Variants in ASAP1 observed in about 807,000 individuals in gnomAD.
The protein encoded by ASAP1 is ArfGAP with SH3 domain, ankyrin repeat and PH domain 1.
ASAP1 carries 43 observed loss-of-function variants against 145.2 expected under a neutral mutation model. The observed-to-expected ratio is 0.30, with a 90% CI of 0.23 to 0.38. ASAP1 has a LOEUF of 0.38. Ranked by LOEUF, ASAP1 falls within the 10% of genes least tolerant of loss-of-function variation. The probability of loss-of-function intolerance (pLI) is 1.00; values close to 1 mark genes in which losing one functional copy is unlikely to be tolerated. For synonymous variants in ASAP1, 546 were observed against 515.5 expected (o/e 1.06, Z -0.80); for missense variants, 1,018 against 1,355.3 (o/e 0.75, Z 3.91).
rs1343238108 is a variant in ASAP1, at chr8:130,317,540, AG to A, written c.186+40476del. 3.3e-5 allele frequency among the ~76,000 whole-genome samples: 5 copies of A among 152,344 alleles called. No individual in the cohort carries two copies. In the East Asian group the frequency reaches 9.6e-4, roughly 29 times the overall value. ...GAATCAGAATGAGCCCACGTCCTCCAGGAAGGTTTTTTATAGCCTCCTCTCC... is the reference window on the plus strand; with the variant it reads ...GAATCAGAATGAGCCCACGTCCTCCAGAAGGTTTTTTATAGCCTCCTCTCC... On this transcript the variant is annotated intron_variant, in intron 3 of 29. Transcript: ENST00000518721.
At chr8:130,242,282 AAC>A (rs1373505203) in intron 3 of ASAP1, among the ~76,000 whole-genome samples, 2,757 of 142,058 alleles carry the variant, frequency 0.019, 42 homozygotes, top group African/African-American at 0.029. Flanking sequence ...AAAAAAAAAA[AAC>A]AACTTTTTTT....
intron 1 of ASAP1, among the ~76,000 whole-genome samples, chr8:130,429,804 G>T (rs1157582492): frequency 6.6e-6 from 1 of 152,162 alleles, no homozygotes; most frequent in Non-Finnish European, 1.5e-5. Flanking sequence ...GATTCTTTGG[G>T]AAAAATGAGT....
At position 130,188,127 on chromosome 8, in the gene ASAP1, G is replaced by A. The variant is rs1042261059; in HGVS notation, c.462C>T (p.Asp154=). The A allele has an allele frequency of 1.2e-6, 2 of 1,613,242 alleles. No homozygotes were observed. The highest frequency in any genetic ancestry group is 1.7e-5 in the Admixed American group (1 of 59,988). Residue 154 remains aspartate (D), a synonymous_variant, in exon 6 of 30, where the codon GAC becomes GAT. Transcript: ENST00000518721. Reference sequence around the variant, plus strand: ...CACTTACTCCTTTGACTCCCTTTAGGTCTCCTTTTAACAAAGAATCCAAGG... The same window carrying A: ...CACTTACTCCTTTGACTCCCTTTAGATCTCCTTTTAACAAAGAATCCAAGG... ...IFTLDSLLKG[D]LKGVKGDLKK... is the part of the protein sequence containing the mutation.
chr8:130,345,480 A>G (rs1825653059), intron 3 of ASAP1, among the ~76,000 whole-genome samples: 1 of 152,208 alleles, frequency 6.6e-6, no homozygotes, highest in Non-Finnish European at 1.5e-5. Flanking sequence ...TGTTTCCACC[A>G]AGAAAGTAAA....
chr8:130,345,757 A>C (rs894074969), intron 3 of ASAP1, among the ~76,000 whole-genome samples: 2 of 152,200 alleles, frequency 1.3e-5, no homozygotes, highest in Admixed American at 1.3e-4. Context: ...CAATCACTTA[A>C]GCTCAGGAGT....
intron 24 of ASAP1, among the ~76,000 whole-genome samples, chr8:130,098,604 T>A (rs2097523174): frequency 6.6e-6 from 1 of 152,116 alleles, no homozygotes; most frequent in Admixed American, 6.6e-5. Context: ...CGCCTCGGCC[T>A]CCCAAAGTGC....
intron 15 of ASAP1, among the ~76,000 whole-genome samples, chr8:130,131,779 C>T (rs559642340): frequency 1.3e-5 from 2 of 152,266 alleles, no homozygotes; most frequent in East Asian, 1.9e-4. Context: ...GCATGTGTGA[C>T]AGAGTGAGAC....
intron 3 of ASAP1, among the ~76,000 whole-genome samples, chr8:130,299,126 G>A (rs532685611): frequency 3.9e-5 from 6 of 152,262 alleles, no homozygotes; most frequent in South Asian, 2.1e-4. Context: ...CTGGATGCCC[G>A]TGTGTCCGTG....
intron 7 of ASAP1, among the ~76,000 whole-genome samples, chr8:130,182,831 C>CAAAAAAAAAAAAAAAAAAAAAAAAAAAAG (rs35195899): frequency 1.4e-5 from 1 of 73,596 alleles, no homozygotes; most frequent in African/African-American, 5.9e-5. Flanking sequence ...TATAAAAAGG[C>CAAAAAAAAAAAAAAAAAAAAAAAAAAAAG]AAAAAAAAAA....
intron 25 of ASAP1, among the ~76,000 whole-genome samples, chr8:130,088,862 A>G (rs2097499595): frequency 6.6e-6 from 1 of 152,178 alleles, no homozygotes; most frequent in African/African-American, 2.4e-5. Flanking sequence ...TCCATATGCA[A>G]TACAGACACT....
chr8:130,311,218 G>A (rs1020826897), intron 3 of ASAP1, among the ~76,000 whole-genome samples: 2 of 152,130 alleles, frequency 1.3e-5, no homozygotes, highest in Admixed American at 1.3e-4. Flanking sequence ...TGGAATCATG[G>A]GTCATTTTAA....
At chr8:130,388,403 G>T (rs1479895360) in intron 2 of ASAP1, among the ~76,000 whole-genome samples, 1 of 152,154 alleles carries the variant, frequency 6.6e-6, no homozygotes, top group Admixed American at 6.5e-5. Context: ...GGAGTGAGGA[G>T]AATAATCCAT....
rs1017234914 is a variant in ASAP1 at position 130,439,737 on chromosome 8, C to T, written c.-28+3723G>A. Among the ~76,000 whole-genome samples the T allele has an allele frequency of 1.1e-3, 162 of 152,134 alleles. 2 individuals carry two copies. The highest frequency in any genetic ancestry group is 5.6e-4 in the Non-Finnish European group (38 of 68,018). On this transcript the variant is annotated intron_variant, in intron 1 of 29. Coordinates refer to ENST00000518721, the MANE Select transcript of ASAP1 (RefSeq NM_018482.4). ...CCTGGGAGAGAGGAAGAGCATCCCC[C>T]GCAGGGGGAAGAACGTAAGCAGACA... is the stretch of plus-strand genomic sequence containing the variant.
intron 1 of ASAP1, among the ~76,000 whole-genome samples, chr8:130,405,528 A>C (rs1290744769): frequency 6.6e-6 from 1 of 152,174 alleles, no homozygotes; most frequent in East Asian, 1.9e-4. Context: ...CTAACATCAA[A>C]AGTTCCAGTC....
At chr8:130,222,998 G>A (rs1261870399) in intron 4 of ASAP1, among the ~76,000 whole-genome samples, 1 of 152,282 alleles carries the variant, frequency 6.6e-6, no homozygotes, top group East Asian at 1.9e-4. Context: ...GGAGACTGAA[G>A]CTCCTAGGGG....
At chr8:130,369,298 A>T (rs1827105827) in intron 2 of ASAP1, among the ~76,000 whole-genome samples, 1 of 152,242 alleles carries the variant, frequency 6.6e-6, no homozygotes, top group Admixed American at 6.5e-5. Flanking sequence ...AACCTTATAC[A>T]CATAGCCTGA....
chr8:130,085,726 C>T (rs1407278500), intron 25 of ASAP1, among the ~76,000 whole-genome samples: 8 of 103,212 alleles, frequency 7.8e-5, no homozygotes, highest in Admixed American at 1.2e-4. Flanking sequence ...CAGAACAAGA[C>T]GTTGTCTTTA....
At chr8:130,152,178 G>A (rs762860057) in intron 13 of ASAP1, among the ~76,000 whole-genome samples, 1 of 152,198 alleles carries the variant, frequency 6.6e-6, no homozygotes, top group African/African-American at 2.4e-5. Context: ...AATTTAATGA[G>A]TTTTTAAAAT....
At chr8:130,268,263 A>G (rs1820377403) in intron 3 of ASAP1, among the ~76,000 whole-genome samples, 1 of 152,160 alleles carries the variant, frequency 6.6e-6, no homozygotes, top group South Asian at 2.1e-4. Context: ...AGGCAGGTAG[A>G]GCACTTGAGC....
Sources: gnomAD v4.1 joint callset for allele counts (sites outside exome capture counted in the v4.1 genomes callset) on GRCh38, gnomAD v4.1.1 for gene constraint, MANE v1.5 for transcripts, NCBI Gene and HGNC (gene_info 2026-07-23, HGNC 2026-07-21) for gene names.